CORO2B: variants seen among roughly 807,000 people sequenced by gnomAD.
CORO2B encodes coronin-2B.
In CORO2B, 26 loss-of-function variants were observed where a neutral mutation model predicts 58.8. That is an observed-to-expected ratio of 0.44 (90% CI 0.32 to 0.61). The LOEUF (loss-of-function observed/expected upper bound fraction) is 0.61, where lower values mean the gene tolerates loss of function less well. CORO2B is among the 20% of genes least tolerant of loss of function. The pLI is 0.04. For synonymous variants in CORO2B, 242 were observed against 253.8 expected, an observed-to-expected ratio of 0.95 and a Z score of 0.44; for missense variants, 460 against 645.1, an observed-to-expected ratio of 0.71 and a Z score of 3.11.
intron 3 of CORO2B, among the ~76,000 whole-genome samples, chr15:68,696,085 TTA>T (rs1892502288): frequency 5.0e-5 from 1 of 20,048 alleles, no homozygotes; most frequent in Non-Finnish European, 1.8e-4. Flanking sequence ...AAAAATTGAA[TTA>T]AAAAAAAAAA....
intron 1 of CORO2B, among the ~76,000 whole-genome samples, chr15:68,595,080 A>T (rs1414884233): frequency 1.3e-5 from 2 of 152,164 alleles, no homozygotes; most frequent in Admixed American, 1.3e-4. Context: ...TTGTGCAGTG[A>T]AGTGGATTTA....
chr15:68,603,974 T>C (rs1595962435), intron 1 of CORO2B, among the ~76,000 whole-genome samples: 1 of 152,138 alleles, frequency 6.6e-6, no homozygotes, highest in African/African-American at 2.4e-5. Context: ...CAGAGGCTCA[T>C]ACTAGAACAT....
chr15:68,711,502 G>A, intron 4 of CORO2B, 40 bp from the exon 5 acceptor site: 1 of 1,583,500 alleles, frequency 6.3e-7, no homozygotes, highest in Admixed American at 1.8e-5. Context: ...CAGGACCCTA[G>A]CAGCCACTGA....
At chr15:68,604,516 A>T (rs543500452) in intron 1 of CORO2B, among the ~76,000 whole-genome samples, 31 of 151,138 alleles carry the variant, frequency 2.1e-4, no homozygotes, top group African/African-American at 6.3e-4. Flanking sequence ...TTTTTTTTTT[A>T]AAAGGCGACT....
intron 3 of CORO2B, among the ~76,000 whole-genome samples, chr15:68,703,157 T>C (rs1273378874): frequency 3.5e-5 from 5 of 143,250 alleles, no homozygotes; most frequent in South Asian, 2.3e-4. Context: ...TTTCTTTTTT[T>C]TTTTTTTTTT....
At chr15:68,620,208 G>A (rs1471207002) in intron 1 of CORO2B, among the ~76,000 whole-genome samples, 1 of 152,088 alleles carries the variant, frequency 6.6e-6, no homozygotes, top group East Asian at 1.9e-4. Flanking sequence ...CACCATGCCC[G>A]GCCTAATTGT....
rs1474438488 is a variant in CORO2B, at chr15:68,685,778, CTT to C, written c.217-9360_217-9359del. On this transcript the variant is annotated intron_variant, in intron 2 of 11. Coordinates refer to ENST00000261861, the MANE Select transcript of CORO2B (RefSeq NM_006091.5). ...ATTTAATTGTTTGATTGATTAAACA[CTT>C]TATTTTATTGATAATTTAACTGATA... is the stretch of plus-strand genomic sequence containing the variant. 4.6e-5 allele frequency among the ~76,000 whole-genome samples: 6 copies of C among 130,810 alleles called. No homozygotes were observed. The East Asian group carries it at 1.4e-3, about 31-fold the overall frequency. 85.8% of individuals were successfully genotyped at this position (130,810 alleles called of 152,430 possible).
At chr15:68,629,352 C>T (rs1900764487) in intron 1 of CORO2B, among the ~76,000 whole-genome samples, 1 of 152,214 alleles carries the variant, frequency 6.6e-6, no homozygotes, top group Non-Finnish European at 1.5e-5. Flanking sequence ...AGTCCACATT[C>T]CACTCACTGA....
the CORO2B span, among the ~76,000 whole-genome samples, chr15:68,545,221 C>A: frequency 6.6e-5 from 10 of 152,324 alleles, no homozygotes; most frequent in African/African-American, 2.2e-4. Context: ...GAAAACCTTG[C>A]CATGGAGTCT....
At chr15:68,574,820 G>A (rs2140544871), upstream of CORO2B, among the ~76,000 whole-genome samples, 1 of 152,338 alleles carries the variant, frequency 6.6e-6, no homozygotes, top group Non-Finnish European at 1.5e-5. Flanking sequence ...TACATGCAGA[G>A]CTGACACTTG....
intron 1 of CORO2B, among the ~76,000 whole-genome samples, chr15:68,590,948 A>G (rs929300246): frequency 6.6e-6 from 1 of 152,146 alleles, no homozygotes; most frequent in African/African-American, 2.4e-5. Context: ...CCCTTGTGCA[A>G]ATAAAACGAG....
chr15:68,659,445 G>C (rs1901937392), intron 2 of CORO2B, among the ~76,000 whole-genome samples: 1 of 152,196 alleles, frequency 6.6e-6, no homozygotes, highest in African/African-American at 2.4e-5. Flanking sequence ...GGACACAGTG[G>C]CTCATGCCTG....
At chr15:68,704,495 CAG>C (rs1451987488) in intron 3 of CORO2B, among the ~76,000 whole-genome samples, 1 of 152,128 alleles carries the variant, frequency 6.6e-6, no homozygotes, top group Non-Finnish European at 1.5e-5. Context: ...CCAATAAGGT[CAG>C]AGCCTGCATT....
At chr15:68,584,990 C>T (rs1298484785) in intron 1 of CORO2B, among the ~76,000 whole-genome samples, 4 of 152,180 alleles carry the variant, frequency 2.6e-5, no homozygotes. Flanking sequence ...GGGGAGAAGC[C>T]ACCACCGCCC....
At chr15:68,697,057 G>A (rs1343777103) in intron 3 of CORO2B, among the ~76,000 whole-genome samples, 2 of 152,218 alleles carry the variant, frequency 1.3e-5, no homozygotes, top group African/African-American at 4.8e-5. Context: ...ACAGGGCCTG[G>A]TACCTAATAA....
the CORO2B span, among the ~76,000 whole-genome samples, chr15:68,534,668 T>C: frequency 6.6e-6 from 1 of 152,134 alleles, no homozygotes; most frequent in Admixed American, 6.5e-5. Flanking sequence ...TCCTACATGT[T>C]CCAACACAAT....
the CORO2B span, among the ~76,000 whole-genome samples, chr15:68,518,380 G>A: frequency 2.6e-5 from 4 of 152,114 alleles, no homozygotes; most frequent in African/African-American, 9.7e-5. Flanking sequence ...GATGAGGACC[G>A]AGCTCTTCCT....
intron 3 of CORO2B, 82 bp downstream of exon 3, chr15:68,695,338 C>T: frequency 6.2e-6 from 6 of 960,898 alleles, no homozygotes; most frequent in Non-Finnish European, 1.0e-5. Flanking sequence ...CTACCCTCCC[C>T]TCCTCCACCC....
chr15:68,654,771 G>C (rs74020263), intron 2 of CORO2B, among the ~76,000 whole-genome samples: 4,161 of 152,320 alleles, frequency 0.027, 68 homozygotes, highest in Middle Eastern at 0.054. Context: ...GCCAAGGACT[G>C]TTACCCATCT....
Sources: gnomAD v4.1 joint callset for allele counts (sites outside exome capture counted in the v4.1 genomes callset) on GRCh38, gnomAD v4.1.1 for gene constraint, MANE v1.5 for transcripts, NCBI Gene and HGNC (gene_info 2026-07-23, HGNC 2026-07-21) for gene names.